TBL1X: variants seen among roughly 807,000 people sequenced by gnomAD.
The protein encoded by TBL1X is transducin beta like 1 X-linked.
TBL1X carries 10 observed loss-of-function variants against 50.7 expected under a neutral mutation model. The ratio of observed to expected loss-of-function variants is 0.20; its 90% CI spans 0.12 to 0.33. The LOEUF is 0.33. TBL1X is among the 10% of genes least tolerant of loss of function. The probability of loss-of-function intolerance (pLI) is 1.00; values close to 1 mark genes in which losing one functional copy is unlikely to be tolerated. For missense variants in TBL1X, 340 were observed against 504.4 expected (o/e 0.67, Z 3.12); for synonymous variants, 190 against 214.7 (o/e 0.88, Z 1.01).
intron 1 of TBL1X, among the ~76,000 whole-genome samples, chrX:9,474,407 C>T (rs966303560): frequency 1.8e-5 from 2 of 113,228 alleles, no homozygotes; most frequent in Non-Finnish European, 3.7e-5. Context: ...GGTATGTGTG[C>T]GTTTGCACGC....
chrX:9,679,666 G>A (rs768131167), intron 5 of TBL1X, among the ~76,000 whole-genome samples: 15 of 112,128 alleles, frequency 1.3e-4, no homozygotes, highest in Non-Finnish European at 2.6e-4. Flanking sequence ...TTGTTGGGCA[G>A]AAGAGATGTG....
At chrX:9,568,761 CTCTA>C (rs942825706) in intron 2 of TBL1X, among the ~76,000 whole-genome samples, 15 of 93,628 alleles carry the variant, frequency 1.6e-4, no homozygotes, top group South Asian at 5.1e-4. Context: ...TTTGTGTTGT[CTCTA>C]TCTGTGCAGT....
chrX:9,486,817 A>G (rs1248626557), intron 1 of TBL1X, among the ~76,000 whole-genome samples: 2 of 111,560 alleles, frequency 1.8e-5, no homozygotes, highest in Admixed American at 9.5e-5. Context: ...TTGCAGTTTG[A>G]CTTTTTTCAT....
chrX:9,541,194 A>G (rs2082212651), intron 2 of TBL1X, among the ~76,000 whole-genome samples: 1 of 111,727 alleles, frequency 9.0e-6, no homozygotes, highest in African/African-American at 3.3e-5. Context: ...ATATGGTACA[A>G]TCCTTTTGTT....
intron 1 of TBL1X, among the ~76,000 whole-genome samples, chrX:9,493,810 G>A (rs766322036): frequency 1.7e-4 from 19 of 111,307 alleles, no homozygotes; most frequent in African/African-American, 3.9e-4. Context: ...AACAACCTGC[G>A]TAATTGTAGA....
At chrX:9,491,505 T>C (rs1395323067) in intron 1 of TBL1X, among the ~76,000 whole-genome samples, 1 of 106,071 alleles carries the variant, frequency 9.4e-6, no homozygotes, top group African/African-American at 3.4e-5. Flanking sequence ...CACACCCAGC[T>C]AGTGGCCAGT....
intron 3 of TBL1X, among the ~76,000 whole-genome samples, chrX:9,650,513 C>T (rs1304956559): frequency 8.9e-6 from 1 of 111,911 alleles, no homozygotes; most frequent in Non-Finnish European, 1.9e-5. Context: ...AAGATTGGTC[C>T]TTTCCAGCTG....
intron 2 of TBL1X, among the ~76,000 whole-genome samples, chrX:9,598,598 A>G (rs1340848034): frequency 1.8e-5 from 2 of 112,225 alleles, no homozygotes; most frequent in Non-Finnish European, 3.8e-5. Context: ...GTTTCTGGTC[A>G]GTGAAGAAAG....
intron 3 of TBL1X, among the ~76,000 whole-genome samples, chrX:9,651,738 AT>A (rs1387273417): frequency 8.9e-6 from 1 of 112,815 alleles, no homozygotes; most frequent in African/African-American, 3.2e-5. Flanking sequence ...ACAGACTTGT[AT>A]TTTGACTGTC....
intron 3 of TBL1X, among the ~76,000 whole-genome samples, chrX:9,647,517 C>T (rs1316650476): frequency 5.4e-5 from 6 of 111,828 alleles, no homozygotes; most frequent in African/African-American, 1.6e-4. Flanking sequence ...AATTAAGACT[C>T]CCCTCTCATC....
chrX:9,540,684 C>A (rs1398397347), intron 2 of TBL1X, among the ~76,000 whole-genome samples: 1 of 112,329 alleles, frequency 8.9e-6, no homozygotes, highest in Non-Finnish European at 1.9e-5. Flanking sequence ...CTAAGTCTTT[C>A]ATCACAAACA....
chrX:9,622,303 C>A (rs2082671320), intron 2 of TBL1X, among the ~76,000 whole-genome samples: 1 of 110,877 alleles, frequency 9.0e-6, no homozygotes, highest in Non-Finnish European at 1.9e-5. Flanking sequence ...CATCTCCACA[C>A]CCCCGGAAAA....
intron 13 of TBL1X, among the ~76,000 whole-genome samples, chrX:9,707,835 C>T (rs923259221): frequency 1.8e-5 from 2 of 112,097 alleles, no homozygotes; most frequent in Non-Finnish European, 3.8e-5. Context: ...GCCCCTGGGC[C>T]GCGAAACTTC....
At chrX:9,697,590 G>A (rs1181320688) in intron 12 of TBL1X, among the ~76,000 whole-genome samples, 161 bp downstream of exon 12, 2 of 111,253 alleles carry the variant, frequency 1.8e-5, no homozygotes, top group Admixed American at 9.5e-5. Flanking sequence ...TGGGCAACAT[G>A]GCAAAACCCA....
At chrX:9,495,858 C>T (rs932450967) in intron 1 of TBL1X, among the ~76,000 whole-genome samples, 2 of 104,324 alleles carry the variant, frequency 1.9e-5, no homozygotes, top group African/African-American at 6.8e-5. Flanking sequence ...CACTTGTTTA[C>T]GGAGTGAGAG....
At chrX:9,628,578 G>C (rs2082704735) in intron 2 of TBL1X, among the ~76,000 whole-genome samples, 1 of 99,574 alleles carries the variant, frequency 1.0e-5, no homozygotes, top group Non-Finnish European at 2.0e-5. Context: ...ACGGAGTCTT[G>C]CTCTGTTGCC....
chrX:9,496,065 A>G (rs970354618), intron 1 of TBL1X, among the ~76,000 whole-genome samples: 1 of 112,770 alleles, frequency 8.9e-6, no homozygotes, highest in Non-Finnish European at 1.9e-5. Flanking sequence ...TAGTGTTGAT[A>G]GTGTGTATAC....
chrX:9,538,241 C>T (rs932915669), intron 2 of TBL1X, among the ~76,000 whole-genome samples: 17 of 111,296 alleles, frequency 1.5e-4, no homozygotes, highest in African/African-American at 4.9e-4. Flanking sequence ...TTCAAAAGCC[C>T]GGGTCTTAGT....
At chrX:9,618,782 A>T (rs996453853) in intron 2 of TBL1X, among the ~76,000 whole-genome samples, 1 of 112,784 alleles carries the variant, frequency 8.9e-6, no homozygotes, top group Non-Finnish European at 1.9e-5. Context: ...ATATCTAAGA[A>T]AAAAACTATG....
Sources: gnomAD v4.1 joint callset for allele counts (sites outside exome capture counted in the v4.1 genomes callset) on GRCh38, gnomAD v4.1.1 for gene constraint, MANE v1.5 for transcripts, NCBI Gene and HGNC (gene_info 2026-07-23, HGNC 2026-07-21) for gene names.